The following SPAG16 variants were observed in gnomAD, a reference collection of about 807,000 sequenced individuals.
SPAG16 encodes sperm associated antigen 16.
Under a neutral mutation model 80.4 loss-of-function variants are expected in SPAG16, and 86 were observed. That is an observed-to-expected ratio of 1.07 (90% CI 0.90 to 1.28). SPAG16 has a LOEUF of 1.28. Among genes scored for constraint, SPAG16 ranks in the 50% most tolerant of loss-of-function variants. The probability of loss-of-function intolerance (pLI) is 0.00; values close to 1 mark genes in which losing one functional copy is unlikely to be tolerated. For synonymous variants in SPAG16, 294 were observed against 265.9 expected (o/e 1.11, Z -1.03); for missense variants, 870 against 765.3 (o/e 1.14, Z -1.61).
At chr2:213,393,086 TAAA>T (rs1280456401) in intron 9 of SPAG16, among the ~76,000 whole-genome samples, 3 of 152,048 alleles carry the variant, frequency 2.0e-5, no homozygotes, top group Non-Finnish European at 4.4e-5. Context: ...TGAATCAGAA[TAAA>T]AGTAATTAAG....
chr2:213,384,782 T>C (rs1249994881), intron 9 of SPAG16, among the ~76,000 whole-genome samples: 2 of 152,208 alleles, frequency 1.3e-5, no homozygotes, highest in East Asian at 3.8e-4. Context: ...ATCCATCCTG[T>C]TTCTTCTGGT....
At chr2:214,020,655 A>T (rs897522823) in intron 13 of SPAG16, among the ~76,000 whole-genome samples, 5 of 152,198 alleles carry the variant, frequency 3.3e-5, no homozygotes, top group Non-Finnish European at 5.9e-5. Context: ...TCCTAAAGGA[A>T]AAAATGTATG....
chr2:213,491,897 A>G (rs940492329), intron 10 of SPAG16, among the ~76,000 whole-genome samples: 3 of 152,244 alleles, frequency 2.0e-5, no homozygotes. Context: ...AGGCTGTCAC[A>G]TTATTAGTTT....
intron 11 of SPAG16, among the ~76,000 whole-genome samples, chr2:213,913,271 T>C (rs974262201): frequency 5.3e-5 from 8 of 152,142 alleles, no homozygotes; most frequent in African/African-American, 1.9e-4. Flanking sequence ...ACATATTATT[T>C]ATCCATGTTT....
At chr2:213,973,590 C>T (rs886703418) in intron 12 of SPAG16, among the ~76,000 whole-genome samples, 4 of 151,520 alleles carry the variant, frequency 2.6e-5, no homozygotes, top group Non-Finnish European at 5.9e-5. Context: ...TGGATAAGGG[C>T]GAGTAAGAAT....
At chr2:213,762,604 T>A (rs892786569) in intron 10 of SPAG16, among the ~76,000 whole-genome samples, 19 of 152,136 alleles carry the variant, frequency 1.2e-4, no homozygotes, top group Non-Finnish European at 1.5e-4. Context: ...AAGAATGAAA[T>A]TGAACCCTTA....
chr2:214,110,919 C>T (rs1440438744), intron 14 of SPAG16, among the ~76,000 whole-genome samples: 1 of 152,040 alleles, frequency 6.6e-6, no homozygotes, highest in East Asian at 1.9e-4. Context: ...CTGTTGGCTG[C>T]ATAAGTATCT....
chr2:214,215,388 A>G (rs1369002073), intron 15 of SPAG16, among the ~76,000 whole-genome samples: 1 of 152,056 alleles, frequency 6.6e-6, no homozygotes, highest in Non-Finnish European at 1.5e-5. Flanking sequence ...CCAACCTACC[A>G]GCCTATCAGG....
intron 10 of SPAG16, among the ~76,000 whole-genome samples, chr2:213,657,892 T>C (rs2063278830): frequency 6.6e-6 from 1 of 152,214 alleles, no homozygotes; most frequent in African/African-American, 2.4e-5. Flanking sequence ...AAATCGAGAA[T>C]GAGTCTTTCT....
intron 14 of SPAG16, among the ~76,000 whole-genome samples, chr2:214,144,189 A>G: frequency 6.6e-6 from 1 of 152,176 alleles, no homozygotes; most frequent in Non-Finnish European, 1.5e-5. Context: ...ATGAATTAAA[A>G]GCTCATGAAA....
At chr2:213,873,251 C>T (rs2076019529) in intron 11 of SPAG16, among the ~76,000 whole-genome samples, 1 of 151,932 alleles carries the variant, frequency 6.6e-6, no homozygotes, top group African/African-American at 2.4e-5. Flanking sequence ...TCTACTCTAT[C>T]CAGGTTATCT....
chr2:213,822,752 G>A (rs2073025972), intron 10 of SPAG16, among the ~76,000 whole-genome samples: 1 of 152,018 alleles, frequency 6.6e-6, no homozygotes, highest in Admixed American at 6.6e-5. Flanking sequence ...AACAGGCCCT[G>A]GTGTGTATTG....
chr2:214,301,131 T>C (rs1694523008), intron 15 of SPAG16, among the ~76,000 whole-genome samples: 1 of 150,806 alleles, frequency 6.6e-6, no homozygotes, highest in Admixed American at 6.6e-5. Context: ...ACACGGGTTT[T>C]AGTGCAGGGA....
At chr2:214,350,702 G>A (rs1698346118) in intron 15 of SPAG16, among the ~76,000 whole-genome samples, 2 of 152,118 alleles carry the variant, frequency 1.3e-5, no homozygotes, top group Admixed American at 1.3e-4. Flanking sequence ...AAGGGATTCT[G>A]CCTAAGAGAA....
intron 9 of SPAG16, among the ~76,000 whole-genome samples, chr2:213,449,023 A>C (rs2071525522): frequency 6.6e-6 from 1 of 152,204 alleles, no homozygotes; most frequent in African/African-American, 2.4e-5. Context: ...GAGAGATATC[A>C]TCAAATTCTT....
chr2:213,930,714 T>G (rs995758171), intron 12 of SPAG16, among the ~76,000 whole-genome samples: 1 of 152,212 alleles, frequency 6.6e-6, no homozygotes, highest in Non-Finnish European at 1.5e-5. Context: ...GGTAGACAAA[T>G]TCATTATGTT....
intron 15 of SPAG16, among the ~76,000 whole-genome samples, chr2:214,323,332 A>ATT (rs1559212226): frequency 4.7e-5 from 1 of 21,072 alleles, no homozygotes; most frequent in African/African-American, 1.5e-4. Flanking sequence ...ATATATATAT[A>ATT]TATTTATTTA....
chr2:213,981,944 A>G (rs2045768885), intron 12 of SPAG16, among the ~76,000 whole-genome samples: 1 of 151,928 alleles, frequency 6.6e-6, no homozygotes, highest in East Asian at 1.9e-4. Context: ...AAAACACTAT[A>G]CCTTTTTCTA....
intron 9 of SPAG16, among the ~76,000 whole-genome samples, chr2:213,478,865 GT>G (rs1193170728): frequency 1.3e-5 from 2 of 151,940 alleles, no homozygotes; most frequent in African/African-American, 4.8e-5. Context: ...TTAACCAATA[GT>G]CTTAAATAAT....
Sources: gnomAD v4.1 joint callset for allele counts (sites outside exome capture counted in the v4.1 genomes callset) on GRCh38, gnomAD v4.1.1 for gene constraint, MANE v1.5 for transcripts, NCBI Gene and HGNC (gene_info 2026-07-23, HGNC 2026-07-21) for gene names.